The following PTPRM variants were observed in gnomAD, a reference collection of about 807,000 sequenced individuals.
PTPRM encodes protein tyrosine phosphatase receptor type M.
PTPRM carries 47 observed loss-of-function variants against 186.7 expected under a neutral mutation model. The observed-to-expected ratio is 0.25, with a 90% CI of 0.20 to 0.32. The LOEUF is 0.32. PTPRM is among the 10% of genes least tolerant of loss of function. The probability of loss-of-function intolerance (pLI) is 1.00; values close to 1 mark genes in which losing one functional copy is unlikely to be tolerated. For synonymous variants in PTPRM, 668 were observed against 674.9 expected, an observed-to-expected ratio of 0.99 and a Z score of 0.16; for missense variants, 1,494 against 1,865.0, an observed-to-expected ratio of 0.80 and a Z score of 3.66.
At chr18:8,190,928 G>T (rs954809040) in intron 14 of PTPRM, among the ~76,000 whole-genome samples, 3 of 152,146 alleles carry the variant, frequency 2.0e-5, no homozygotes, top group Admixed American at 2.0e-4. Context: ...GGTGGGATAG[G>T]TCATACCTTA....
chr18:8,197,228 T>G (rs1045278846), intron 14 of PTPRM, among the ~76,000 whole-genome samples: 1 of 152,228 alleles, frequency 6.6e-6, no homozygotes. Flanking sequence ...TTTAAGGTTC[T>G]TATAATGTGT....
intron 7 of PTPRM, among the ~76,000 whole-genome samples, chr18:8,023,047 G>T (rs549124946): frequency 1.3e-5 from 2 of 152,228 alleles, no homozygotes; most frequent in East Asian, 3.9e-4. Flanking sequence ...TGACATGGGA[G>T]CCAGAAGTCA....
chr18:7,978,905 G>A (rs186310745), intron 7 of PTPRM, among the ~76,000 whole-genome samples: 100 of 151,964 alleles, frequency 6.6e-4, no homozygotes, highest in Non-Finnish European at 9.9e-4. Context: ...TCAGAATTGC[G>A]TGTAGCGACC....
At chr18:8,385,239 A>G (rs966235145) in intron 30 of PTPRM, among the ~76,000 whole-genome samples, 13 of 152,236 alleles carry the variant, frequency 8.5e-5, no homozygotes, top group Admixed American at 7.2e-4. Flanking sequence ...GGATTTTACA[A>G]GGAAGTTCAT....
chr18:8,306,277 C>T (rs1282038251), intron 20 of PTPRM, among the ~76,000 whole-genome samples: 2 of 152,072 alleles, frequency 1.3e-5, no homozygotes, highest in African/African-American at 4.8e-5. Flanking sequence ...TTTGGTCCTC[C>T]CAGAACTCCT....
chr18:7,910,469 A>G (rs1189916859), intron 4 of PTPRM, among the ~76,000 whole-genome samples: 2 of 152,190 alleles, frequency 1.3e-5, no homozygotes, highest in Non-Finnish European at 2.9e-5. Context: ...CCATGACTGA[A>G]TTTTCTGGGG....
chr18:7,826,508 G>C (rs1260815225), intron 2 of PTPRM, among the ~76,000 whole-genome samples: 1 of 152,164 alleles, frequency 6.6e-6, no homozygotes, highest in Non-Finnish European at 1.5e-5. Context: ...TAGAAAAGTG[G>C]TTTATTTCAT....
chr18:8,231,064 T>C (rs975286329), intron 14 of PTPRM, among the ~76,000 whole-genome samples: 29 of 152,238 alleles, frequency 1.9e-4, no homozygotes, highest in African/African-American at 7.0e-4. Flanking sequence ...TCTTAGTTTA[T>C]ATGTGATTTA....
chr18:7,649,913 A>T (rs534548100), intron 1 of PTPRM, among the ~76,000 whole-genome samples: 1 of 152,050 alleles, frequency 6.6e-6, no homozygotes, highest in African/African-American at 2.4e-5. Context: ...TAGCAATAAC[A>T]TATTTTTAAA....
At chr18:8,247,963 A>T (rs999508261) in intron 16 of PTPRM, 44 bp downstream of exon 16, 8 of 1,488,788 alleles carry the variant, frequency 5.4e-6, no homozygotes, top group Non-Finnish European at 7.5e-6. Context: ...TCTCCTCAGC[A>T]GTCAGAATCA....
intron 7 of PTPRM, among the ~76,000 whole-genome samples, chr18:7,983,762 A>C (rs1463271527): frequency 6.6e-6 from 1 of 152,132 alleles, no homozygotes; most frequent in African/African-American, 2.4e-5. Context: ...ATAATCTGTG[A>C]AAGGTCATTA....
chr18:7,868,220 C>T (rs2047811494), intron 2 of PTPRM, among the ~76,000 whole-genome samples: 1 of 152,074 alleles, frequency 6.6e-6, no homozygotes, highest in African/African-American at 2.4e-5. Context: ...CATTGTCTGT[C>T]GAAGTTTTGT....
chr18:7,574,456 A>T (rs914213616), intron 1 of PTPRM, among the ~76,000 whole-genome samples: 3 of 152,234 alleles, frequency 2.0e-5, no homozygotes, highest in African/African-American at 7.2e-5. Flanking sequence ...AGTGCTTATT[A>T]ATAATTCTTA....
At chr18:8,302,167 G>A in intron 20 of PTPRM, among the ~76,000 whole-genome samples, 1 of 152,196 alleles carries the variant, frequency 6.6e-6, no homozygotes, top group Non-Finnish European at 1.5e-5. Flanking sequence ...GAGTTAACAT[G>A]GTACCATGAG....
At chr18:7,737,214 G>A (rs1331817262) in intron 1 of PTPRM, among the ~76,000 whole-genome samples, 1 of 152,008 alleles carries the variant, frequency 6.6e-6, no homozygotes, top group Non-Finnish European at 1.5e-5. Context: ...TGCAACCTCC[G>A]CCTCCCAAGT....
intron 21 of PTPRM, 116 bp from the exon 22 acceptor site, chr18:8,319,062 A>G: frequency 2.9e-6 from 2 of 694,948 alleles, no homozygotes; most frequent in Non-Finnish European, 5.0e-6. Context: ...TTTAACTTTC[A>G]GGTGATGCAG....
At chr18:8,240,651 G>GAGAGAGAGAGAA (rs1555813523) in intron 14 of PTPRM, among the ~76,000 whole-genome samples, 1 of 33,848 alleles carries the variant, frequency 3.0e-5, no homozygotes, top group African/African-American at 1.8e-4. Context: ...GAGAGAGAGA[G>GAGAGAGAGAGAA]AGAAAGAAAG....
intron 11 of PTPRM, among the ~76,000 whole-genome samples, chr18:8,104,443 G>A (rs2091429892): frequency 6.6e-6 from 1 of 151,990 alleles, no homozygotes; most frequent in South Asian, 2.1e-4. Context: ...GGTTTTGTTT[G>A]TTCGTTTTGT....
intron 4 of PTPRM, among the ~76,000 whole-genome samples, chr18:7,914,899 G>A (rs1416511527): frequency 6.6e-6 from 1 of 152,136 alleles, no homozygotes; most frequent in African/African-American, 2.4e-5. Context: ...GGTTGGGCAT[G>A]CATCCCGTAC....
Sources: gnomAD v4.1 joint callset for allele counts (sites outside exome capture counted in the v4.1 genomes callset) on GRCh38, gnomAD v4.1.1 for gene constraint, MANE v1.5 for transcripts, NCBI Gene and HGNC (gene_info 2026-07-23, HGNC 2026-07-21) for gene names.